The following DLGAP1 variants were observed in gnomAD, a reference collection of about 807,000 sequenced individuals.
DLGAP1 encodes DLG associated protein 1.
A neutral mutation model predicts 90.8 loss-of-function variants in DLGAP1; 11 were observed. That is an observed-to-expected ratio of 0.12 (90% confidence interval 0.08 to 0.20). The LOEUF (loss-of-function observed/expected upper bound fraction) is 0.20. DLGAP1 is among the 10% of genes least tolerant of loss of function. The pLI is 1.00. For synonymous variants in DLGAP1, 558 were observed against 540.7 expected (o/e 1.03, Z -0.44); for missense variants, 1,050 against 1,333.8 (o/e 0.79, Z 3.31).
chr18:4,208,323 T>C (rs973450), intron 1 of DLGAP1, among the ~76,000 whole-genome samples: 17,660 of 152,224 alleles, frequency 0.12, 1,704 homozygotes, highest in African/African-American at 0.27. Flanking sequence ...TAAAAGCAAA[T>C]TTGATACACA....
intron 2 of DLGAP1, among the ~76,000 whole-genome samples, chr18:4,009,308 TG>T (rs2074371735): frequency 6.6e-6 from 1 of 152,226 alleles, no homozygotes. Flanking sequence ...CTTTCCCGTC[TG>T]GCATCACTAA....
chr18:4,351,429 G>C (rs1459970428), intron 1 of DLGAP1, among the ~76,000 whole-genome samples: 1 of 152,152 alleles, frequency 6.6e-6, no homozygotes, highest in African/African-American at 2.4e-5. Context: ...TAGTAGCTCT[G>C]AGATAAATAA....
chr18:3,726,062 C>T (rs1451799340), intron 7 of DLGAP1, among the ~76,000 whole-genome samples: 1 of 152,126 alleles, frequency 6.6e-6, no homozygotes, highest in African/African-American at 2.4e-5. Context: ...GAAGTTCTAC[C>T]TAATAAGTGC....
intron 7 of DLGAP1, chr18:3,597,283 C>T (rs1052034): frequency 8.1e-6 from 4 of 491,478 alleles, no homozygotes; most frequent in South Asian, 6.1e-5. Context: ...AAGGAAAAAT[C>T]TGGAATGGAA....
intron 4 of DLGAP1, among the ~76,000 whole-genome samples, chr18:3,862,730 G>A (rs548053160): frequency 8.5e-5 from 13 of 152,242 alleles, no homozygotes; most frequent in African/African-American, 3.1e-4. Flanking sequence ...CTTATTGAAA[G>A]CTAGGTATGT....
intron 7 of DLGAP1, among the ~76,000 whole-genome samples, chr18:3,591,715 A>T (rs542916185): frequency 4.9e-4 from 75 of 152,242 alleles, no homozygotes; most frequent in African/African-American, 1.8e-3. Flanking sequence ...AACAAAAAAT[A>T]AAAATAAAAA....
At chr18:3,613,242 A>C (rs1041568005) in intron 7 of DLGAP1, among the ~76,000 whole-genome samples, 4 of 152,244 alleles carry the variant, frequency 2.6e-5, no homozygotes, top group African/African-American at 9.6e-5. Context: ...ACCTCACTTC[A>C]TAAGTAATAT....
intron 1 of DLGAP1, among the ~76,000 whole-genome samples, chr18:4,248,116 G>A (rs1299329780): frequency 6.6e-6 from 1 of 152,076 alleles, no homozygotes; most frequent in African/African-American, 2.4e-5. Context: ...AGTTCCCTGG[G>A]CCTTCACTCG....
At chr18:4,017,798 T>A (rs1189990538) in intron 2 of DLGAP1, among the ~76,000 whole-genome samples, 1 of 152,112 alleles carries the variant, frequency 6.6e-6, no homozygotes, top group Non-Finnish European at 1.5e-5. Context: ...CAATGTTTGC[T>A]TTGCCGATTA....
At chr18:3,742,191 T>C (rs891092894) in intron 6 of DLGAP1, 144 bp downstream of exon 6, 3 of 1,056,750 alleles carry the variant, frequency 2.8e-6, no homozygotes, top group Non-Finnish European at 4.0e-6. Flanking sequence ...GGCATGCTCT[T>C]TGCAGCACTT....
At chr18:3,820,141 A>G (rs1264157260) in intron 4 of DLGAP1, among the ~76,000 whole-genome samples, 3 of 152,228 alleles carry the variant, frequency 2.0e-5, no homozygotes, top group African/African-American at 7.2e-5. Flanking sequence ...AGAGCGGATT[A>G]TCTCAGGATG....
intron 7 of DLGAP1, among the ~76,000 whole-genome samples, chr18:3,605,366 T>C (rs765206530): frequency 7.2e-5 from 11 of 152,212 alleles, no homozygotes; most frequent in Admixed American, 2.0e-4. Flanking sequence ...AGAGCACTTA[T>C]TACATTATAA....
chr18:4,107,256 C>G (rs1227576986), intron 2 of DLGAP1, among the ~76,000 whole-genome samples: 2 of 152,158 alleles, frequency 1.3e-5, no homozygotes, highest in Non-Finnish European at 2.9e-5. Flanking sequence ...CACAATTCAG[C>G]CTTTCTATAA....
At chr18:4,423,072 A>G (rs1598397708) in intron 1 of DLGAP1, among the ~76,000 whole-genome samples, 1 of 152,312 alleles carries the variant, frequency 6.6e-6, no homozygotes, top group East Asian at 1.9e-4. Flanking sequence ...TATTTTATAT[A>G]CTACTACTAG....
chr18:4,321,950 C>T (rs2080697175), intron 1 of DLGAP1, among the ~76,000 whole-genome samples: 1 of 121,462 alleles, frequency 8.2e-6, no homozygotes, highest in Non-Finnish European at 1.7e-5. Context: ...GTAAACTCAG[C>T]AGTTTGGGAG....
chr18:4,293,326 C>G (rs2079895871), intron 1 of DLGAP1: 1 of 152,210 alleles, frequency 6.6e-6, no homozygotes, highest in Admixed American at 6.5e-5. Flanking sequence ...GGCTCTGAAA[C>G]AAGTCTCCTC....
intron 1 of DLGAP1, among the ~76,000 whole-genome samples, chr18:4,404,858 A>C (rs2082629719): frequency 6.6e-6 from 1 of 152,182 alleles, no homozygotes; most frequent in Non-Finnish European, 1.5e-5. Context: ...TAATAGTTTG[A>C]TTTTAAAACA....
chr18:4,164,613 A>G lies in DLGAP1; in HGVS notation c.-266-13326T>C, dbSNP rs557986818. On this transcript the variant is annotated intron_variant, in intron 1 of 12. Transcript: ENST00000315677. ...GAGAATTGCTTGAACCTGGGAGGCGAAGGTTGCAGTGAGCCAAGATCGCAC... is the reference window on the plus strand; with the variant it reads ...GAGAATTGCTTGAACCTGGGAGGCGGAGGTTGCAGTGAGCCAAGATCGCAC... Among the ~76,000 whole-genome samples, 274 of 152,080 alleles carry G rather than the reference A, an allele frequency of 1.8e-3. 1 individual carries two copies. Among genetic ancestry groups the G allele is most frequent in the African/African-American group, 5.5e-3 (229 of 41,510 alleles).
At chr18:4,445,700 T>C (rs1387279964) in intron 1 of DLGAP1, among the ~76,000 whole-genome samples, 1 of 151,978 alleles carries the variant, frequency 6.6e-6, no homozygotes, top group Non-Finnish European at 1.5e-5. Flanking sequence ...CATCAGCTAA[T>C]TCACTACTTA....
Sources: allele counts gnomAD v4.1 joint callset (sites outside exome capture counted in the v4.1 genomes callset), GRCh38; gene constraint gnomAD v4.1.1; transcripts MANE v1.5; gene names NCBI Gene and HGNC (gene_info 2026-07-23, HGNC 2026-07-21).